VCP: variants seen among roughly 807,000 people sequenced by gnomAD.
The protein encoded by VCP is valosin containing protein.
A neutral mutation model predicts 85.7 loss-of-function variants in VCP; 6 were observed. That is an observed-to-expected ratio of 0.07 (90% CI 0.04 to 0.14). VCP has a LOEUF of 0.14. VCP is among the 10% of genes least tolerant of loss of function. VCP has a pLI of 1.00. For synonymous variants in VCP, 384 were observed against 367.1 expected, an observed-to-expected ratio of 1.05 and a Z score of -0.53; for missense variants, 353 against 1,043.4, an observed-to-expected ratio of 0.34 and a Z score of 9.12.
Position 35,059,526 on chromosome 9 carries a change from G to C in VCP, c.1971C>G (p.Leu657=). 6.2e-7 allele frequency: 1 copy of C among 1,614,190 alleles called. No individual in the cohort carries two copies. The highest frequency in any genetic ancestry group is 8.5e-7 in the Non-Finnish European group (1 of 1,180,042). ...CTGGGGACTTGCGCAGGTTAGCCTTGAGGATGGCAACACGGGACTTCTCAT... is the reference window on the plus strand; with the variant it reads ...CTGGGGACTTGCGCAGGTTAGCCTTCAGGATGGCAACACGGGACTTCTCAT... ...LPDEKSRVAI[L]KANLRKSPVA... is the part of the protein sequence containing the mutation. The change falls in exon 14 of 17, where the codon CTC becomes CTG. Residue 657 remains leucine (L), a synonymous_variant. Coordinates refer to ENST00000358901, the MANE Select transcript of VCP (RefSeq NM_007126.5). This position sits in a 1 kb window ranked among gnomAD's most constrained non-coding sequence, Gnocchi z 4.9.
rs1166889323 is a variant in VCP, at chr9:35,057,007, G to A, written c.*110C>T. Reference sequence around the variant, plus strand: ...CTGTAGCTGAACTGTTCAGACTGGAGAATGGAGCAGGCTGTGGGCGCACCC... The same window carrying A: ...CTGTAGCTGAACTGTTCAGACTGGAAAATGGAGCAGGCTGTGGGCGCACCC... On this transcript the variant is annotated 3_prime_UTR_variant, in exon 17 of 17. Transcript: ENST00000358901. 3.8e-6 allele frequency: 4 copies of A among 1,050,234 alleles called. No homozygotes were observed. Among genetic ancestry groups the A allele is most frequent in the Non-Finnish European group, 3.0e-6 (2 of 677,960 alleles). The allele number at this position is 1,050,234 out of a possible 1,614,324, so 65.1% of individuals were successfully genotyped here.
chr9:35,062,780 G>A (rs149059712), intron 7 of VCP, among the ~76,000 whole-genome samples, 198 bp downstream of exon 7: 1 of 152,098 alleles, frequency 6.6e-6, no homozygotes, highest in Non-Finnish European at 1.5e-5. Context: ...TTTCTCAAAG[G>A]GGGCAGGACA....
chr9:35,057,345 A>G, intron 16 of VCP, 31 bp downstream of exon 16: 1 of 1,614,050 alleles, frequency 6.2e-7, no homozygotes, highest in Non-Finnish European at 8.5e-7. Context: ...AAAGTAACTT[A>G]AGCACTGTCT....
chr9:35,058,531 G>A (rs945581842), intron 15 of VCP, among the ~76,000 whole-genome samples: 2 of 152,136 alleles, frequency 1.3e-5, no homozygotes, highest in African/African-American at 4.8e-5. Context: ...GGGAGGCCGA[G>A]GTGGGCACAT....
Position 35,057,829 on chromosome 9 carries a change from C to A in VCP, c.2161-299G>T, listed in dbSNP as rs554081930. On this transcript the variant is annotated intron_variant, in intron 15 of 16. Transcript: ENST00000358901. ...AGATAGTAGAAATTTTAAGTCTCAA[C>A]TGTGGTAGTAGTTATAGAACTTACA... 5 of 466,180 alleles carry A rather than the reference C, an allele frequency of 1.1e-5. No individual in the cohort carries two copies. The Admixed American group carries it at 1.7e-4, about 16-fold the overall frequency. The allele number at this position is 466,180 out of a possible 1,614,324, so 28.9% of individuals were successfully genotyped here.
At chr9:35,069,985 C>T (rs1413694644) in intron 1 of VCP, among the ~76,000 whole-genome samples, 1 of 152,192 alleles carries the variant, frequency 6.6e-6, no homozygotes, top group South Asian at 2.1e-4. Flanking sequence ...AATATCCTCA[C>T]AATTTGCAAG....
chr9:35,058,063 C>T (rs1431105793), intron 15 of VCP, among the ~76,000 whole-genome samples: 2 of 152,132 alleles, frequency 1.3e-5, no homozygotes, highest in African/African-American at 2.4e-5. Flanking sequence ...GATTGCAATC[C>T]TACTACTAGA....
At position 35,064,260 on chromosome 9, in the gene VCP, A is replaced by G. The variant is rs1432268135; in HGVS notation, c.602T>C (p.Val201Ala). The G allele has an allele frequency of 6.2e-7, 1 of 1,614,208 alleles. No individual in the cohort carries two copies. The change falls in exon 6 of 17, where the codon GTA (valine) becomes GCA (alanine). Residue 201 changes from valine to alanine, a missense_variant. Val to Ala is a moderately conservative substitution (Grantham distance 64). Coordinates refer to ENST00000358901, the MANE Select transcript of VCP (RefSeq NM_007126.5). ...GCAGCCACCAATGTCATCATACCCT[A>G]CTTCATTCAAGGACTCTTCCTCATC... ...REDEEESLNE[V>A]GYDDIGGCRK...
At chr9:35,061,396 T>C (rs1828718335) in intron 10 of VCP, among the ~76,000 whole-genome samples, 181 bp downstream of exon 10, 1 of 152,224 alleles carries the variant, frequency 6.6e-6, no homozygotes, top group Non-Finnish European at 1.5e-5. Flanking sequence ...TTACTCTAAA[T>C]GCAGCGTCAA....
In VCP at chr9:35,062,101, A is replaced by G; in HGVS notation, c.983T>C (p.Leu328Ser). The change falls in exon 9 of 17, where the codon TTG becomes TCG. Residue 328 changes from leucine to serine, a missense_variant. Leu to Ser is a moderately radical substitution (Grantham distance 145). Around this residue, in one of 8 missense-constraint regions of VCP, gnomAD observed 85 missense variants for 345.2 expected, o/e 0.25. Coordinates refer to ENST00000358901, the MANE Select transcript of VCP (RefSeq NM_007126.5). The stretch of plus-strand genomic sequence containing the variant: ...CTTTAGGCCATCCATGAGGGTCAAC[A>G]ACTGTGATACAATGCGCCGCTCCAC... The part of the protein sequence containing the change: ...GEVERRIVSQ[L>S]LTLMDGLKQR... The G allele has an allele frequency of 6.2e-7, 1 of 1,614,154 alleles. No homozygotes were observed.
chr9:35,070,375 T>C (rs945836731), intron 1 of VCP, among the ~76,000 whole-genome samples: 1 of 152,204 alleles, frequency 6.6e-6, no homozygotes, highest in African/African-American at 2.4e-5. Flanking sequence ...GCCCATCTTC[T>C]TGCTTGACTT....
At chr9:35,071,460 G>GT (rs1393728056) in intron 1 of VCP, among the ~76,000 whole-genome samples, 1 of 152,034 alleles carries the variant, frequency 6.6e-6, no homozygotes, top group Non-Finnish European at 1.5e-5. Context: ...GGGGAAAGGA[G>GT]TGCGCGCACG....
chr9:35,072,429 G>A lies in VCP; in HGVS notation c.-76C>T, dbSNP rs1224344216. 3 of 1,425,824 alleles carry A rather than the reference G, an allele frequency of 2.1e-6. No individual in the cohort carries two copies. Among genetic ancestry groups the A allele is most frequent in the Non-Finnish European group, 9.1e-7 (1 of 1,093,444 alleles). The allele number at this position is 1,425,824 out of a possible 1,614,324, so 88.3% of individuals were successfully genotyped here. A position where few individuals can be genotyped will look rare whatever the true frequency, so the allele number is the denominator to read the frequency against. The stretch of plus-strand genomic sequence containing the variant: ...ACGAGCGGTGGCAAGCGACCGACTG[G>A]GCCGGGGCTCGGCTCTTCCAGGCGG... On this transcript the variant is annotated 5_prime_UTR_variant, in exon 1 of 17. Coordinates refer to ENST00000358901, the MANE Select transcript of VCP (RefSeq NM_007126.5).
At position 35,067,924 on chromosome 9, in the gene VCP, T is replaced by A; in HGVS notation, c.269A>T (p.Asn90Ile). The part of the protein sequence containing the change: ...EKIRMNRVVR[N>I]NLRVRLGDVI... The stretch of plus-strand genomic sequence containing the variant: ...ATCCCCTAGGCGTACACGAAGGTTA[T>A]TCCGAACAACTCTATTCATCCGAAT... The change falls in exon 3 of 17, where the codon AAT (asparagine) becomes ATT (isoleucine). Residue 90 changes from asparagine (N) to isoleucine (I), a missense_variant. Around this residue, in one of 8 missense-constraint regions of VCP, gnomAD observed 69 missense variants for 132.9 expected, o/e 0.52. Coordinates refer to ENST00000358901, the MANE Select transcript of VCP (RefSeq NM_007126.5). The A allele has an allele frequency of 6.2e-7, 1 of 1,614,240 alleles. No homozygotes were observed. The highest frequency in any genetic ancestry group is 8.5e-7 in the Non-Finnish European group (1 of 1,180,046).
At chr9:35,071,868 C>T in intron 1 of VCP, 7 of 994,084 alleles carry the variant, frequency 7.0e-6, no homozygotes, top group Non-Finnish European at 8.4e-6. Flanking sequence ...GAGGCCTTCA[C>T]ATGGCGCAAA....
Position 35,057,290 on chromosome 9 carries a change from C to T in VCP, c.2316-68G>A, listed in dbSNP as rs936102740. 4.3e-6 allele frequency: 7 copies of T among 1,613,520 alleles called. No individual in the cohort carries two copies. The African/African-American group carries it at 9.3e-5, about 22-fold the overall frequency. ...CCTGTGTAAGATTTCCACAACTACC[C>T]CTCTAGCTTCCTTAGGACTCCCATC... is the stretch of plus-strand genomic sequence containing the variant. On this transcript the variant is annotated intron_variant, in intron 16 of 16. Transcript: ENST00000358901.
At chr9:35,066,287 A>C (rs868389840) in intron 4 of VCP, among the ~76,000 whole-genome samples, 1 of 141,728 alleles carries the variant, frequency 7.1e-6, no homozygotes. Flanking sequence ...TTTGAGACAG[A>C]GTCTTGCTCT....
rs1828689567 is a variant in VCP, at chr9:35,059,990, G to C, written c.1696-189C>G. On this transcript the variant is annotated intron_variant, in intron 13 of 16. Coordinates refer to ENST00000358901, the MANE Select transcript of VCP (RefSeq NM_007126.5). This position sits in a 1 kb window ranked among gnomAD's most constrained non-coding sequence, Gnocchi z 4.9. ...TCTACAAAAAATAAAAAATTAGCCAGATGTGGTGACGCATGCCTATAGTCC... is the reference window on the plus strand; with the variant it reads ...TCTACAAAAAATAAAAAATTAGCCACATGTGGTGACGCATGCCTATAGTCC... The C allele has an allele frequency of 1.3e-6, 1 of 751,632 alleles. No individual in the cohort carries two copies. The highest frequency in any genetic ancestry group is 1.8e-5 in the African/African-American group (1 of 56,822). The allele number at this position is 751,632 out of a possible 1,614,324, so 46.6% of individuals were successfully genotyped here.
intron 15 of VCP, 121 bp from the exon 16 acceptor site, chr9:35,057,651 T>C (rs566869228): frequency 5.4e-6 from 7 of 1,306,212 alleles, no homozygotes; most frequent in Admixed American, 5.1e-5. Context: ...TGAGGTAAGA[T>C]GCTAGGCCAT....
Sources: gnomAD v4.1 joint callset for allele counts (sites outside exome capture counted in the v4.1 genomes callset) on GRCh38, gnomAD v4.1.1 for gene constraint, gnomAD v4.1.1 regional missense constraint, Gnocchi (gnomAD v3.1) non-coding constraint, MANE v1.5 for transcripts, NCBI Gene and HGNC (gene_info 2026-07-23, HGNC 2026-07-21) for gene names.